The following CACNA1H variants were observed in gnomAD, a reference collection of about 807,000 sequenced individuals.
CACNA1H encodes the protein calcium voltage-gated channel subunit alpha1 H.
Under a neutral mutation model 192.5 loss-of-function variants are expected in CACNA1H, and 149 were observed. That is an observed-to-expected ratio of 0.77 (90% CI 0.68 to 0.89). The LOEUF is 0.89. Ranked by LOEUF, CACNA1H falls within the 40% of genes least tolerant of loss-of-function variation. The pLI, the probability that CACNA1H is intolerant of heterozygous loss-of-function variation, is 0.00. For synonymous variants in CACNA1H, 2,202 were observed against 1,475.2 expected (o/e 1.49, Z -11.29); for missense variants, 4,257 against 3,423.5 (o/e 1.24, Z -6.08).
At chr16:1,219,191 C>G in intron 34 of CACNA1H, 61 bp downstream of exon 34, 1 of 1,422,980 alleles carries the variant, frequency 7.0e-7, no homozygotes, top group South Asian at 1.4e-5. Flanking sequence ...GCAGGGATGC[C>G]TCGTCTCATC....
rs1234223409 is a variant in CACNA1H at position 1,221,090 on chromosome 16, G to A, written c.*96G>A. On this transcript the variant is annotated 3_prime_UTR_variant, in exon 35 of 35. Coordinates refer to ENST00000348261, the MANE Select transcript of CACNA1H (RefSeq NM_021098.3). ...AGAACCCTGCATGGACCCTGACTTG[G>A]GTCCCGTCGTGAGCAGAAAGGCCCG... 1.0e-6 allele frequency: 1 copy of A among 983,074 alleles called. No individual in the cohort carries two copies. The highest frequency in any genetic ancestry group is 2.6e-5 in the East Asian group (1 of 37,906). 60.9% of individuals were successfully genotyped at this position (983,074 alleles called of 1,614,324 possible).
chr16:1,220,637 A>C lies in CACNA1H; in HGVS notation c.6705A>C (p.Thr2235=). Residue 2235 remains threonine (T), a synonymous_variant, in exon 35 of 35, where the codon ACA becomes ACC. Coordinates refer to ENST00000348261, the MANE Select transcript of CACNA1H (RefSeq NM_021098.3). The stretch of plus-strand genomic sequence containing the variant: ...CTCACAGGGACTCCCTGGAGCCCAC[A>C]GAGGGCTCAGGCGCCGGGGGGGACC... The part of the protein sequence containing the change: ...ATPHRDSLEP[T]EGSGAGGDPA... 3.1e-6 allele frequency: 5 copies of C among 1,600,968 alleles called. No homozygotes were observed. The South Asian group carries it at 5.5e-5, about 18-fold the overall frequency.
chr16:1,180,763 G>A lies in CACNA1H; in HGVS notation c.300-14209G>A, dbSNP rs1965385227. 6.6e-6 allele frequency among the ~76,000 whole-genome samples: 1 copy of A among 152,118 alleles called. No homozygotes were observed. Among genetic ancestry groups the A allele is most frequent in the Non-Finnish European group, 1.5e-5 (1 of 67,966 alleles). On this transcript the variant is annotated intron_variant, in intron 2 of 34. Coordinates refer to ENST00000348261, the MANE Select transcript of CACNA1H (RefSeq NM_021098.3). The surrounding 1 kb of genome is among the most constrained non-coding windows in gnomAD (Gnocchi z 4.4). ...GGATGCCGCCGAATAGGGGCCTGTG[G>A]CTCCCACAGGGAGGCCCCTTAGGTG... is the stretch of plus-strand genomic sequence containing the variant.
intron 2 of CACNA1H, among the ~76,000 whole-genome samples, chr16:1,184,399 G>T (rs556583375): frequency 2.7e-4 from 41 of 152,382 alleles, no homozygotes; most frequent in African/African-American, 9.1e-4. Flanking sequence ...ACTCCAGGCG[G>T]CTTGGCCTGG....
At chr16:1,200,166 T>C in intron 6 of CACNA1H, 90 bp from the exon 7 acceptor site, 3 of 1,079,300 alleles carry the variant, frequency 2.8e-6, no homozygotes, top group South Asian at 1.5e-5. Context: ...TCCCTGACCT[T>C]GATCACGTCC....
intron 18 of CACNA1H, 74 bp downstream of exon 18, chr16:1,210,209 G>A: frequency 7.4e-7 from 1 of 1,345,736 alleles, no homozygotes; most frequent in Non-Finnish European, 1.0e-6. Flanking sequence ...TCCCTCCTGG[G>A]TGGGGCTAGC....
Position 1,219,048 on chromosome 16 carries a change from C to G in CACNA1H, c.5966C>G (p.Ala1989Gly), listed in dbSNP as rs72552055. The G allele has an allele frequency of 1.0e-5, 16 of 1,549,868 alleles. No individual in the cohort carries two copies. The highest frequency in any genetic ancestry group is 1.7e-4 in the Middle Eastern group (1 of 6,008). The change falls in exon 34 of 35, where the codon GCC (alanine) becomes GGC (glycine). Residue 1989 changes from alanine to glycine, a missense_variant. Coordinates refer to ENST00000348261, the MANE Select transcript of CACNA1H (RefSeq NM_021098.3). ...ATCCCATTGGCTGTGTCGTCCCCAG[C>G]CAGGAGCGGCGAGCCCCTCCACGCC... ...LQIPLAVSSP[A>G]RSGEPLHALS...
At chr16:1,163,020 C>T (rs1963381094) in intron 2 of CACNA1H, among the ~76,000 whole-genome samples, 1 of 152,252 alleles carries the variant, frequency 6.6e-6, no homozygotes, top group African/African-American at 2.4e-5. Context: ...CGGTGCTCTG[C>T]CTGCCTGGAC....
chr16:1,197,505 A>T (rs994680745), intron 5 of CACNA1H, among the ~76,000 whole-genome samples: 1 of 152,188 alleles, frequency 6.6e-6, no homozygotes, highest in African/African-American at 2.4e-5. Flanking sequence ...CTAGGAGAGA[A>T]CTAGGGAACT....
chr16:1,155,425 C>G (rs1305280123), intron 2 of CACNA1H, among the ~76,000 whole-genome samples: 1 of 152,148 alleles, frequency 6.6e-6, no homozygotes, highest in Non-Finnish European at 1.5e-5. Flanking sequence ...GTGGTCATGC[C>G]CCTTTGTTCT....
intron 2 of CACNA1H, among the ~76,000 whole-genome samples, chr16:1,162,694 G>T (rs1182675086): frequency 6.6e-6 from 1 of 151,940 alleles, no homozygotes; most frequent in African/African-American, 2.4e-5. Flanking sequence ...CCTGTGAAGG[G>T]GTCTGGGGGC....
At position 1,200,283 on chromosome 16, in the gene CACNA1H, G is replaced by A. The variant is rs374861940; in HGVS notation, c.831G>A (p.Pro277=). ...VRNNNLTFLR[P]YYQTEEGEEN... is the part of the protein sequence containing the mutation. ...ACAACAACCTGACCTTCCTGCGGCC[G>A]TACTACCAGACGGAGGAGGGCGAGG... is the stretch of plus-strand genomic sequence containing the variant. The change falls in exon 7 of 35, where the codon CCG becomes CCA. Residue 277 remains proline, a synonymous_variant. Transcript: ENST00000348261. The A allele has an allele frequency of 2.7e-5, 43 of 1,603,058 alleles. No individual in the cohort carries two copies. The highest frequency in any genetic ancestry group is 8.5e-5 in the Admixed American group (5 of 59,016).
intron 6 of CACNA1H, among the ~76,000 whole-genome samples, chr16:1,199,527 C>T (rs1046094319): frequency 2.7e-5 from 4 of 150,366 alleles, no homozygotes; most frequent in East Asian, 2.0e-4. Context: ...GTGCTGCCAC[C>T]TCTCAGCCCC....
At position 1,220,263 on chromosome 16, in the gene CACNA1H, T is replaced by G; in HGVS notation, c.6331T>G (p.Trp2111Gly). 1 of 1,586,550 alleles carries G rather than the reference T, an allele frequency of 6.3e-7. No individual in the cohort carries two copies. The highest frequency in any genetic ancestry group is 8.5e-7 in the Non-Finnish European group (1 of 1,172,540). The change falls in exon 35 of 35, where the codon TGG (tryptophan) becomes GGG (glycine). Residue 2111 changes from tryptophan (W) to glycine (G), a missense_variant. Coordinates refer to ENST00000348261, the MANE Select transcript of CACNA1H (RefSeq NM_021098.3). ...CCACATCACCAGCTCCGCCTGCCCCTGGCAGCCCACAGCCGAGCCCCATGG... is the reference window on the plus strand; with the variant it reads ...CCACATCACCAGCTCCGCCTGCCCCGGGCAGCCCACAGCCGAGCCCCATGG... ...VSHITSSACP[W>G]QPTAEPHGPE...
chr16:1,202,768 G>A (rs552983278), intron 9 of CACNA1H, among the ~76,000 whole-genome samples: 3 of 152,270 alleles, frequency 2.0e-5, no homozygotes, highest in Non-Finnish European at 4.4e-5. Context: ...CTGGCCCCGA[G>A]AGGGACCGTA....
At chr16:1,196,476 A>G (rs1156816594) in intron 5 of CACNA1H, among the ~76,000 whole-genome samples, 1 of 151,980 alleles carries the variant, frequency 6.6e-6, no homozygotes, top group African/African-American at 2.4e-5. Context: ...GTGAGGGGAG[A>G]GCCTGACACC....
chr16:1,194,427 G>C (rs1966842813), intron 2 of CACNA1H, among the ~76,000 whole-genome samples: 1 of 152,128 alleles, frequency 6.6e-6, no homozygotes, highest in African/African-American at 2.4e-5. Flanking sequence ...CGCAGCCCTG[G>C]GACAGGGGCC....
chr16:1,164,871 G>A (rs1963599609), intron 2 of CACNA1H, among the ~76,000 whole-genome samples: 1 of 152,212 alleles, frequency 6.6e-6, no homozygotes, highest in Admixed American at 6.5e-5. Context: ...TGAGCCCGTG[G>A]CCCCGTTTGG....
intron 28 of CACNA1H, 56 bp downstream of exon 28, chr16:1,215,137 G>T: frequency 1.3e-6 from 2 of 1,581,780 alleles, no homozygotes; most frequent in Non-Finnish European, 1.7e-6. Flanking sequence ...TCTGGGGGCT[G>T]GGGGCAGGTG....
Sources: gnomAD v4.1 joint callset for allele counts (sites outside exome capture counted in the v4.1 genomes callset) on GRCh38, gnomAD v4.1.1 for gene constraint, Gnocchi (gnomAD v3.1) non-coding constraint, MANE v1.5 for transcripts, NCBI Gene and HGNC (gene_info 2026-07-23, HGNC 2026-07-21) for gene names.